The following PRSS38 variants were observed in gnomAD, a reference collection of about 807,000 sequenced individuals.
PRSS38 encodes marapsin 2.
In PRSS38, 22 loss-of-function variants were observed where a neutral mutation model predicts 26.8. That is an observed-to-expected ratio of 0.82 (90% confidence interval 0.59 to 1.17). PRSS38 has a LOEUF of 1.17. Among genes scored for constraint, PRSS38 ranks in the 50% most tolerant of loss-of-function variants. PRSS38 has a pLI of 0.00. For synonymous variants in PRSS38, 175 were observed against 172.1 expected, an observed-to-expected ratio of 1.02 and a Z score of -0.13; for missense variants, 427 against 422.7, an observed-to-expected ratio of 1.01 and a Z score of -0.09.
At chr1:227,831,449 A>T (rs1451751083) in intron 3 of PRSS38, among the ~76,000 whole-genome samples, 2 of 152,188 alleles carry the variant, frequency 1.3e-5, no homozygotes, top group Admixed American at 1.3e-4. Context: ...TGTCCTGGTA[A>T]ATGATCCATG....
chr1:227,820,392 G>A (rs1664986488), intron 3 of PRSS38, among the ~76,000 whole-genome samples: 1 of 151,902 alleles, frequency 6.6e-6, no homozygotes, highest in African/African-American at 2.4e-5. Flanking sequence ...TGATCTCATG[G>A]GAAATGCTTT....
At chr1:227,827,830 T>G (rs1217858003) in intron 3 of PRSS38, among the ~76,000 whole-genome samples, 1 of 152,182 alleles carries the variant, frequency 6.6e-6, no homozygotes, top group African/African-American at 2.4e-5. Context: ...GGGCATTTAG[T>G]GCTATAAATT....
rs369446054 is a variant in PRSS38, at chr1:227,845,962, C to T, written c.735C>T (p.Ser245=). The change falls in exon 5 of 5, where the codon TCC becomes TCT. Residue 245 remains serine (S), a synonymous_variant. Coordinates refer to ENST00000366757, the Ensembl canonical transcript of PRSS38. ...TCCCTCTTCCTTTCTAGGGCGACTC[C>T]GGGGGCCCACTTGTCTGTGAATTCA... 5.6e-6 allele frequency: 9 copies of T among 1,613,970 alleles called. No individual in the cohort carries two copies. In the Admixed American group the frequency reaches 1.0e-4, roughly 18 times the overall value.
In PRSS38 at chr1:227,820,481, C is replaced by T. The variant is rs890195677; in HGVS notation, c.583+3001C>T. Among the ~76,000 whole-genome samples, 3 of 152,090 alleles carry T rather than the reference C, an allele frequency of 2.0e-5. No homozygotes were observed. In the East Asian group the frequency reaches 5.8e-4, roughly 29 times the overall value. On this transcript the variant is annotated intron_variant, in intron 3 of 4. Coordinates refer to ENST00000366757, the Ensembl canonical transcript of PRSS38. ...TAATGTTGATGAAGTTTTTCTACATCAATTGAGATGATCCTATGTTGTCTT... is the reference window on the plus strand; with the variant it reads ...TAATGTTGATGAAGTTTTTCTACATTAATTGAGATGATCCTATGTTGTCTT...
At chr1:227,834,333 G>C (rs909754090) in intron 3 of PRSS38, among the ~76,000 whole-genome samples, 4 of 151,700 alleles carry the variant, frequency 2.6e-5, no homozygotes, top group Non-Finnish European at 4.4e-5. Context: ...TCACAACCTT[G>C]GACTTGGCAA....
chr1:227,826,676 A>G (rs1450131926), intron 3 of PRSS38, among the ~76,000 whole-genome samples: 2 of 152,054 alleles, frequency 1.3e-5, no homozygotes, highest in Non-Finnish European at 2.9e-5. Context: ...AGATAGTGCC[A>G]CTGCACTCTA....
At chr1:227,829,230 T>C (rs1665117241) in intron 3 of PRSS38, among the ~76,000 whole-genome samples, 1 of 152,204 alleles carries the variant, frequency 6.6e-6, no homozygotes, top group African/African-American at 2.4e-5. Flanking sequence ...ATTTTAGTCT[T>C]GTACTAATTT....
Position 227,817,202 on chromosome 1 carries a change from C to A in PRSS38, c.312-7C>A, listed in dbSNP as rs1357689171. On this transcript the variant is annotated splice_region_variant and splice_polypyrimidine_tract_variant and intron_variant, in intron 2 of 4. Coordinates refer to ENST00000366757, the Ensembl canonical transcript of PRSS38. ...CGGGCATTGTACCTCTGTTCTCACC[C>A]CCACAGGGACAAGAATATCAAAATC... 2 of 1,611,156 alleles carry A rather than the reference C, an allele frequency of 1.2e-6. No individual in the cohort carries two copies. Among genetic ancestry groups the A allele is most frequent in the Non-Finnish European group, 1.7e-6 (2 of 1,177,962 alleles).
At chr1:227,829,573 A>G (rs1179128797) in intron 3 of PRSS38, among the ~76,000 whole-genome samples, 1 of 152,194 alleles carries the variant, frequency 6.6e-6, no homozygotes, top group Non-Finnish European at 1.5e-5. Context: ...TATATACAGT[A>G]TATTGTATAT....
At chr1:227,845,530 A>G in exon 4 of PRSS38, 2 of 1,613,480 alleles carry the variant, frequency 1.2e-6, no homozygotes, top group Non-Finnish European at 1.7e-6. Context: ...CCCTGGTGCC[A>G]CCTGCTCTAC....
intron 3 of PRSS38, among the ~76,000 whole-genome samples, chr1:227,839,249 T>C (rs1442921676): frequency 1.3e-5 from 2 of 152,046 alleles, no homozygotes; most frequent in Non-Finnish European, 2.9e-5. Context: ...TGCTTGAAGC[T>C]GGGAGTTTGA....
intron 3 of PRSS38, among the ~76,000 whole-genome samples, chr1:227,839,568 T>G (rs994226934): frequency 2.1e-4 from 32 of 152,278 alleles, no homozygotes; most frequent in African/African-American, 6.7e-4. Flanking sequence ...CTTTTATATG[T>G]ATTGCATTTG....
intron 3 of PRSS38, among the ~76,000 whole-genome samples, chr1:227,819,066 G>A (rs75932953): frequency 0.011 from 1,613 of 152,184 alleles, 35 homozygotes; most frequent in African/African-American, 0.036. Context: ...TGTAATTCAT[G>A]TGCTCTTATT....
In PRSS38 at chr1:227,817,204, C is replaced by A. The variant is rs201176685; in HGVS notation, c.312-5C>A. ...GGCATTGTACCTCTGTTCTCACCCCCACAGGGACAAGAATATCAAAATCTA... is the reference window on the plus strand; with the variant it reads ...GGCATTGTACCTCTGTTCTCACCCCAACAGGGACAAGAATATCAAAATCTA... On this transcript the variant is annotated splice_region_variant and splice_polypyrimidine_tract_variant and intron_variant, in intron 2 of 4. Transcript: ENST00000366757. 5.6e-5 allele frequency: 91 copies of A among 1,611,530 alleles called. No homozygotes were observed. The highest frequency in any genetic ancestry group is 2.5e-4 in the Admixed American group (15 of 59,986).
chr1:227,821,063 T>A (rs907238845), intron 3 of PRSS38, among the ~76,000 whole-genome samples: 1 of 152,164 alleles, frequency 6.6e-6, no homozygotes, highest in South Asian at 2.1e-4. Context: ...CTGTTGCAGA[T>A]AAAAAGTGGA....
chr1:227,820,046 G>A (rs1361512486), intron 3 of PRSS38, among the ~76,000 whole-genome samples: 4 of 124,402 alleles, frequency 3.2e-5, no homozygotes, highest in East Asian at 2.5e-4. Flanking sequence ...CTGAGATCAC[G>A]CCATTGCACT....
intron 3 of PRSS38, among the ~76,000 whole-genome samples, chr1:227,818,306 T>G (rs918121120): frequency 6.6e-6 from 1 of 152,192 alleles, no homozygotes; most frequent in Non-Finnish European, 1.5e-5. Flanking sequence ...TATAGAAAAT[T>G]ATTGATTTTA....
rs764835813 is a variant in PRSS38, at chr1:227,846,192, G to T, written c.965G>T (p.Gly322Val). ...AGCGTCCTAATGGCCATGCTGGCTG[G>T]CTGGTCAGTGCTGTGAGGTCAGGAT... The change falls in exon 5 of 5, where the codon GGC (glycine) becomes GTC (valine). Residue 322 changes from glycine (G) to valine (V), a missense_variant. Physicochemically the swap from Gly to Val is moderately radical, Grantham distance 109. Transcript: ENST00000366757. 11 of 1,610,282 alleles carry T rather than the reference G, an allele frequency of 6.8e-6. No homozygotes were observed. In the East Asian group the frequency reaches 2.2e-4, roughly 33 times the overall value.
intron 3 of PRSS38, among the ~76,000 whole-genome samples, chr1:227,840,548 T>G (rs1447509350): frequency 6.6e-6 from 1 of 152,194 alleles, no homozygotes; most frequent in Non-Finnish European, 1.5e-5. Flanking sequence ...GCCCATTTAT[T>G]TACATATTGT....
Sources: gnomAD v4.1 joint callset for allele counts (sites outside exome capture counted in the v4.1 genomes callset) on GRCh38, gnomAD v4.1.1 for gene constraint, MANE v1.5 for transcripts, NCBI Gene and HGNC (gene_info 2026-07-23, HGNC 2026-07-21) for gene names.